The following FASN variants were observed in gnomAD, a reference collection of about 807,000 sequenced individuals.
The protein encoded by FASN is fatty acid synthase.
A neutral mutation model predicts 250.0 loss-of-function variants in FASN; 50 were observed. The observed-to-expected ratio is 0.20, with a 90% CI of 0.16 to 0.25. The LOEUF (loss-of-function observed/expected upper bound fraction) is 0.25. FASN is among the 10% of genes least tolerant of loss of function. The pLI is 1.00. For synonymous variants in FASN, 1,909 were observed against 1,584.0 expected (o/e 1.21, Z -4.87); for missense variants, 3,031 against 3,498.5 (o/e 0.87, Z 3.37).
chr17:82,082,356 T>C lies in FASN; in HGVS notation c.5978A>G (p.Lys1993Arg). Reference sequence around the variant, plus strand: ...GTTCAGGGTGCCGCTGTACTTGGGCTTGCAGACGTCCTGGAAGAACTCTGG... The same window carrying C: ...GTTCAGGGTGCCGCTGTACTTGGGCCTGCAGACGTCCTGGAAGAACTCTGG... ...QTPEFFQDVC[K>R]PKYSGTLNLD... is the part of the protein sequence containing the mutation. Residue 1993 changes from lysine (K) to arginine (R), a missense_variant, in exon 35 of 43, where the codon AAG becomes AGG. Transcript: ENST00000306749. The C allele has an allele frequency of 6.2e-7, 1 of 1,612,898 alleles. No individual in the cohort carries two copies. Among genetic ancestry groups the C allele is most frequent in the South Asian group, 1.1e-5 (1 of 91,078 alleles).
In FASN at chr17:82,089,186, C is replaced by T; in HGVS notation, c.2101-14G>A. The T allele has an allele frequency of 6.3e-7, 1 of 1,593,946 alleles. No individual in the cohort carries two copies. The highest frequency in any genetic ancestry group is 8.5e-7 in the Non-Finnish European group (1 of 1,170,694). On this transcript the variant is annotated splice_polypyrimidine_tract_variant and intron_variant, in intron 13 of 42. Coordinates refer to ENST00000306749, the MANE Select transcript of FASN (RefSeq NM_004104.5). Reference sequence around the variant, plus strand: ...CTCCCGGATCACCTGCATGAGGGGCCAGGTCAGTGCTGGGTTGTGGGTCCC... The same window carrying T: ...CTCCCGGATCACCTGCATGAGGGGCTAGGTCAGTGCTGGGTTGTGGGTCCC...
chr17:82,095,927 A>C (rs560829224), intron 2 of FASN, among the ~76,000 whole-genome samples: 18 of 152,292 alleles, frequency 1.2e-4, no homozygotes, highest in African/African-American at 4.1e-4. Context: ...GCCTGGCCGG[A>C]AGGGCTCTGG....
In FASN at chr17:82,088,513, G is replaced by A. The variant is rs1261466029; in HGVS notation, c.2470C>T (p.Pro824Ser). Residue 824 changes from proline to serine, a missense_variant, in exon 16 of 43, where the codon CCC (proline) becomes TCC (serine). Transcript: ENST00000306749. ...GGGGAGATGAGGGGAGTTCCTCGGG[G>A]AGCTGGGAACTCCACAGGTGGGAAC... The part of the protein sequence containing the change: ...ALFPPVEFPA[P>S]RGTPLISPLI... 4.4e-6 allele frequency: 7 copies of A among 1,608,376 alleles called. No homozygotes were observed. The highest frequency in any genetic ancestry group is 3.4e-6 in the Non-Finnish European group (4 of 1,176,798).
intron 3 of FASN, 118 bp from the exon 4 acceptor site, chr17:82,093,889 G>A (rs2034260109): frequency 2.7e-6 from 3 of 1,120,642 alleles, no homozygotes; most frequent in South Asian, 1.3e-5. Context: ...GGGTGAGGGG[G>A]GGTCCATCCC....
At chr17:82,079,730 G>A (rs2033954510) in intron 41 of FASN, 122 bp from the exon 42 acceptor site, 1 of 1,351,672 alleles carries the variant, frequency 7.4e-7, no homozygotes, top group Non-Finnish European at 9.8e-7. Flanking sequence ...CAGGCTAGAT[G>A]GAGTGGGGCG....
In FASN at chr17:82,079,250, T is replaced by A; in HGVS notation, c.7429A>T (p.Ile2477Phe). The stretch of plus-strand genomic sequence containing the variant: ...AGCAGCGTGCGGTGGTCACCCTCGA[T>A]GACGTGGACGGATACTTTCCCGTCG... ...VCDGKVSVHV[I>F]EGDHRTLLEG... The change falls in exon 43 of 43, where the codon ATC becomes TTC. Residue 2477 changes from isoleucine to phenylalanine, a missense_variant. Coordinates refer to ENST00000306749, the MANE Select transcript of FASN (RefSeq NM_004104.5). 3.7e-6 allele frequency: 6 copies of A among 1,612,992 alleles called. No individual in the cohort carries two copies. The highest frequency in any genetic ancestry group is 5.1e-6 in the Non-Finnish European group (6 of 1,179,958).
At position 82,098,160 on chromosome 17, in the gene FASN, G is replaced by T; in HGVS notation, c.-47C>A. The T allele has an allele frequency of 2.8e-6, 1 of 356,470 alleles. No homozygotes were observed. Among genetic ancestry groups the T allele is most frequent in the Middle Eastern group, 7.5e-4 (1 of 1,340 alleles). 22.1% of individuals were successfully genotyped at this position (356,470 alleles called of 1,614,324 possible). Reference sequence around the variant, plus strand: ...GGCGGCGGTGCGGGCGGCGGAGAGCGAGGCTGGAGCGCGGCGGAGCGGGAG... The same window carrying T: ...GGCGGCGGTGCGGGCGGCGGAGAGCTAGGCTGGAGCGCGGCGGAGCGGGAG... On this transcript the variant is annotated 5_prime_UTR_variant, in exon 1 of 43. Coordinates refer to ENST00000306749, the MANE Select transcript of FASN (RefSeq NM_004104.5).
chr17:82,084,756 G>A, intron 26 of FASN, 40 bp from the exon 27 acceptor site: 17 of 1,550,224 alleles, frequency 1.1e-5, no homozygotes, highest in Non-Finnish European at 1.4e-5. Context: ...GGGGCCTTCG[G>A]GTGCAGTCTC....
chr17:82,093,518 A>G (rs1342453459), intron 4 of FASN, 80 bp downstream of exon 4: 8 of 1,600,574 alleles, frequency 5.0e-6, no homozygotes, highest in Non-Finnish European at 6.8e-6. Flanking sequence ...GCACGGAGTG[A>G]GCCCACGCCA....
At position 82,084,346 on chromosome 17, in the gene FASN, A is replaced by G; in HGVS notation, c.4807T>C (p.Phe1603Leu). ...TSQDSLLGME[F>L]SGRDASGKRV... ...TTGCCGCTGGCGTCTCGGCCCGAGAACTCCATACCTAGCAGGCTGTCCTGG... is the reference window on the plus strand; with the variant it reads ...TTGCCGCTGGCGTCTCGGCCCGAGAGCTCCATACCTAGCAGGCTGTCCTGG... Residue 1603 changes from phenylalanine (F) to leucine (L), a missense_variant, in exon 28 of 43, where the codon TTC (phenylalanine) becomes CTC (leucine). By Grantham distance (22) the Phe-to-Leu change is conservative. Transcript: ENST00000306749. 1 of 1,609,008 alleles carries G rather than the reference A, an allele frequency of 6.2e-7. No homozygotes were observed. The highest frequency in any genetic ancestry group is 2.2e-5 in the East Asian group (1 of 44,680).
At chr17:82,082,242 G>A in intron 35 of FASN, 81 bp downstream of exon 35, 1 of 1,602,758 alleles carries the variant, frequency 6.2e-7, no homozygotes, top group South Asian at 1.1e-5. Flanking sequence ...GCCAGAGAGG[G>A]CTGTCAACAA....
intron 38 of FASN, 56 bp downstream of exon 38, chr17:82,081,108 G>A: frequency 6.5e-7 from 1 of 1,530,078 alleles, no homozygotes; most frequent in Non-Finnish European, 8.8e-7. Flanking sequence ...AGACAACAAG[G>A]AGGAAGGGCT....
intron 16 of FASN, 31 bp from the exon 17 acceptor site, chr17:82,088,338 C>T (rs765288447): frequency 2.7e-5 from 44 of 1,609,620 alleles, no homozygotes; most frequent in Middle Eastern, 1.6e-4. Context: ...CAGCACAGAG[C>T]GGGCGTCTGT....
Position 82,079,338 on chromosome 17 carries a change from C to T in FASN, c.7398+19G>A, listed in dbSNP as rs41283361. On this transcript the variant is annotated intron_variant, in intron 42 of 42. Coordinates refer to ENST00000306749, the MANE Select transcript of FASN (RefSeq NM_004104.5). ...CCACTCCTGTCCCTGTCCCCGTTCC[C>T]GTCAGGCCCCTTGCGCACCTGGGAG... The T allele has an allele frequency of 7.4e-5, 119 of 1,613,090 alleles. No individual in the cohort carries two copies. Among genetic ancestry groups the T allele is most frequent in the Middle Eastern group, 1.6e-4 (1 of 6,062 alleles).
rs759154234 is a variant in FASN, at chr17:82,083,362, T to C, written c.5405A>G (p.Glu1802Gly). 6.2e-7 allele frequency: 1 copy of C among 1,612,832 alleles called. No homozygotes were observed. The highest frequency in any genetic ancestry group is 8.5e-7 in the Non-Finnish European group (1 of 1,179,998). The change falls in exon 32 of 43, where the codon GAG becomes GGG. Residue 1802 changes from glutamate to glycine, a missense_variant. Transcript: ENST00000306749. ...CACCTCCCGCCAGTCAGCACTGCTC[T>C]CGTTGAAGAACGCATCCAGTAGGAC... The part of the protein sequence containing the change: ...HGVLLDAFFN[E>G]SSADWREVWA...
In FASN at chr17:82,085,122, A is replaced by G; in HGVS notation, c.4322T>C (p.Val1441Ala). 6.2e-7 allele frequency: 1 copy of G among 1,612,508 alleles called. No homozygotes were observed. The highest frequency in any genetic ancestry group is 8.5e-7 in the Non-Finnish European group (1 of 1,179,888). ...ILADEDSSRP[V>A]WLKAINCATS... ...GGCACAGTTGATGGCCTTCAGCCAC[A>G]CAGGCCGGGAAGAGTCTTCGTCAGC... Residue 1441 changes from valine to alanine, a missense_variant, in exon 25 of 43, where the codon GTG becomes GCG. Val to Ala is a moderately conservative substitution (Grantham distance 64). Transcript: ENST00000306749.
In FASN at chr17:82,085,354, G is replaced by A; in HGVS notation, c.4171C>T (p.Leu1391=). ...GTGGAGCCGTAGAAGGACTTCTTCA[G>A]GCCCACCAGGCGCAGCGACACCCTG... ...FSRVSLRLVG[L]KKSFYGSTLF... The change falls in exon 24 of 43, where the codon CTG becomes TTG. Residue 1391 remains leucine (L), a synonymous_variant. Transcript: ENST00000306749. The A allele has an allele frequency of 1.2e-6, 2 of 1,611,654 alleles. No individual in the cohort carries two copies. The highest frequency in any genetic ancestry group is 1.7e-6 in the Non-Finnish European group (2 of 1,179,556).
Position 82,082,479 on chromosome 17 carries a change from C to A in FASN, c.5919+48G>T, listed in dbSNP as rs559209225. The A allele has an allele frequency of 1.4e-5, 23 of 1,611,316 alleles. No individual in the cohort carries two copies. The East Asian group carries it at 2.2e-4, about 16-fold the overall frequency. On this transcript the variant is annotated intron_variant, in intron 34 of 42. Coordinates refer to ENST00000306749, the MANE Select transcript of FASN (RefSeq NM_004104.5). ...CCTCACCCGTCCACCCAGGGTCCCC[C>A]CCTTGGTCTTGGGGCTTTTGAGGGC... is the stretch of plus-strand genomic sequence containing the variant.
At position 82,098,112 on chromosome 17, in the gene FASN, T is replaced by G; in HGVS notation, c.-8+9A>C. 3.0e-6 allele frequency: 1 copy of G among 338,844 alleles called. No homozygotes were observed. Among genetic ancestry groups the G allele is most frequent in the Non-Finnish European group, 5.3e-6 (1 of 187,028 alleles). 21.0% of individuals were successfully genotyped at this position (338,844 alleles called of 1,614,324 possible). On this transcript the variant is annotated intron_variant, in intron 1 of 42. Transcript: ENST00000306749. Reference sequence around the variant, plus strand: ...CCCGCGCCCCGGCCCCAGCGCCGGCTGCTCGTACCTGGTGAGGGCGCGGGC... The same window carrying G: ...CCCGCGCCCCGGCCCCAGCGCCGGCGGCTCGTACCTGGTGAGGGCGCGGGC...
Sources: allele counts gnomAD v4.1 joint callset (sites outside exome capture counted in the v4.1 genomes callset), GRCh38; gene constraint gnomAD v4.1.1; transcripts MANE v1.5; gene names NCBI Gene and HGNC (gene_info 2026-07-23, HGNC 2026-07-21).